The following GRIA1 variants were observed in gnomAD, a reference collection of about 807,000 sequenced individuals.
GRIA1 encodes the protein glutamate receptor 1.
In GRIA1, 31 loss-of-function variants were observed where a neutral mutation model predicts 99.2. The ratio of observed to expected loss-of-function variants is 0.31; its 90% CI spans 0.23 to 0.42. GRIA1 has a LOEUF of 0.42. GRIA1 is among the 10% of genes least tolerant of loss of function. The pLI, the probability that GRIA1 is intolerant of heterozygous loss-of-function variation, is 1.00. For missense variants in GRIA1, 782 were observed against 1,157.5 expected (o/e 0.68, Z 4.71); for synonymous variants, 438 against 432.4 (o/e 1.01, Z -0.16).
At chr5:153,493,374 A>C (rs1044292536) in intron 1 of GRIA1, among the ~76,000 whole-genome samples, 3 of 152,246 alleles carry the variant, frequency 2.0e-5, no homozygotes, top group African/African-American at 7.2e-5. Context: ...AGAATAGTTA[A>C]ATTGCATGCA....
At position 153,646,983 on chromosome 5, in the gene GRIA1, G is replaced by T. The variant is rs1222512806; in HGVS notation, c.276G>T (p.Arg92Ser). ...VYAIFGFYER[R>S]TVNMLTSFCG... ...CCATCTTTGGGTTTTATGAACGTAG[G>T]ACTGTCAACATGCTGACCTCCTTTT... Residue 92 changes from arginine to serine, a missense_variant, in exon 3 of 16, where the codon AGG (arginine) becomes AGT (serine). By Grantham distance (110) the Arg-to-Ser change is moderately radical. Coordinates refer to ENST00000285900, the MANE Select transcript of GRIA1 (RefSeq NM_000827.4). 6.2e-7 allele frequency: 1 copy of T among 1,613,874 alleles called. No homozygotes were observed. The highest frequency in any genetic ancestry group is 1.7e-5 in the Admixed American group (1 of 59,998).
At chr5:153,494,167 A>G in intron 2 of GRIA1, 102 bp downstream of exon 2, 4 of 1,279,334 alleles carry the variant, frequency 3.1e-6, no homozygotes, top group East Asian at 2.3e-5. Context: ...TTCAGTTGCC[A>G]TTCGTCTTTG....
At chr5:153,700,316 T>C (rs571912911) in intron 10 of GRIA1, among the ~76,000 whole-genome samples, 234 of 152,172 alleles carry the variant, frequency 1.5e-3, no homozygotes, top group African/African-American at 5.3e-3. Flanking sequence ...ACCAAGGAGA[T>C]AGAGGTTGCA....
intron 11 of GRIA1, among the ~76,000 whole-genome samples, chr5:153,714,607 T>C (rs2149531651): frequency 6.6e-6 from 1 of 152,356 alleles, no homozygotes; most frequent in Middle Eastern, 3.4e-3. Flanking sequence ...ATATATGGCA[T>C]CTGTGACCAA....
At chr5:153,543,090 G>C (rs1301789132) in intron 2 of GRIA1, among the ~76,000 whole-genome samples, 1 of 152,188 alleles carries the variant, frequency 6.6e-6, no homozygotes, top group African/African-American at 2.4e-5. Flanking sequence ...TGCCTTTATA[G>C]CCACAGTGGC....
At chr5:153,755,560 G>T (rs1171053362) in intron 11 of GRIA1, 1 of 152,188 alleles carries the variant, frequency 6.6e-6, no homozygotes, top group East Asian at 1.9e-4. Flanking sequence ...CCTAAGGAGG[G>T]GTGAACTGGC....
chr5:153,508,693 G>T (rs1271148075), intron 2 of GRIA1, among the ~76,000 whole-genome samples: 1 of 152,198 alleles, frequency 6.6e-6, no homozygotes, highest in Non-Finnish European at 1.5e-5. Context: ...GGAAGGAGAA[G>T]TGATAAATTG....
rs57512541 is a variant in GRIA1, at chr5:153,624,666, G to A, written c.221-22262G>A. 3.3e-3 allele frequency among the ~76,000 whole-genome samples: 499 copies of A among 152,206 alleles called. 4 individuals are homozygous for A. The highest frequency in any genetic ancestry group is 0.011 in the African/African-American group (461 of 41,490). On this transcript the variant is annotated intron_variant, in intron 2 of 15. Coordinates refer to ENST00000285900, the MANE Select transcript of GRIA1 (RefSeq NM_000827.4). ...TACAGGTTATTTGAAACCTCAACAG[G>A]GGGGAAAAAAATTGATAGTATTCTG...
At chr5:153,539,363 G>T (rs1324795941) in intron 2 of GRIA1, among the ~76,000 whole-genome samples, 12 of 152,142 alleles carry the variant, frequency 7.9e-5, no homozygotes, top group Non-Finnish European at 1.8e-4. Flanking sequence ...AAGGGAAATG[G>T]CAAGGTATGG....
chr5:153,626,338 T>A (rs1016202644), intron 2 of GRIA1, among the ~76,000 whole-genome samples: 1 of 151,966 alleles, frequency 6.6e-6, no homozygotes, highest in African/African-American at 2.4e-5. Context: ...GTTTGAGAGG[T>A]TCCCACCTGA....
chr5:153,808,397 TG>T (rs1198746597), intron 15 of GRIA1, among the ~76,000 whole-genome samples: 1 of 145,124 alleles, frequency 6.9e-6, no homozygotes, highest in Non-Finnish European at 1.5e-5. Flanking sequence ...GGGCGGGGAG[TG>T]GGGGGGAGTA....
At chr5:153,693,958 T>C (rs1757929753) in intron 8 of GRIA1, among the ~76,000 whole-genome samples, 1 of 152,196 alleles carries the variant, frequency 6.6e-6, no homozygotes, top group African/African-American at 2.4e-5. Flanking sequence ...GTCTACTAGT[T>C]TACATGAGGC....
At chr5:153,523,522 T>A (rs556458096) in intron 2 of GRIA1, among the ~76,000 whole-genome samples, 3 of 151,076 alleles carry the variant, frequency 2.0e-5, no homozygotes, top group South Asian at 2.1e-4. Flanking sequence ...TTTTTTTTTT[T>A]ATTTATGCTT....
intron 2 of GRIA1, among the ~76,000 whole-genome samples, chr5:153,632,895 A>T (rs575085264): frequency 3.9e-5 from 6 of 152,346 alleles, no homozygotes; most frequent in African/African-American, 1.2e-4. Context: ...GAAGAAATGA[A>T]TTTTTTCTGG....
At chr5:153,721,666 C>T (rs970205559) in intron 11 of GRIA1, among the ~76,000 whole-genome samples, 1 of 152,120 alleles carries the variant, frequency 6.6e-6, no homozygotes, top group Non-Finnish European at 1.5e-5. Context: ...TATATTGTGA[C>T]CTTCATCCAT....
In GRIA1 at chr5:153,490,822, G is replaced by A; in HGVS notation, c.-67G>A. On this transcript the variant is annotated 5_prime_UTR_variant, in exon 1 of 16. Coordinates refer to ENST00000285900, the MANE Select transcript of GRIA1 (RefSeq NM_000827.4). ...GGCAGAACAGCGAGAAGAATAAAGG[G>A]AAAGGGGGGGAAACACCAAATCTAT... 8.8e-7 allele frequency: 1 copy of A among 1,135,258 alleles called. No homozygotes were observed. The highest frequency in any genetic ancestry group is 1.3e-6 in the Non-Finnish European group (1 of 742,538). 70.3% of individuals were successfully genotyped at this position (1,135,258 alleles called of 1,614,324 possible).
intron 2 of GRIA1, among the ~76,000 whole-genome samples, chr5:153,529,803 T>C (rs1178954054): frequency 6.6e-6 from 1 of 152,160 alleles, no homozygotes; most frequent in Non-Finnish European, 1.5e-5. Context: ...TTGCTTTTCT[T>C]GGAGGTGATG....
chr5:153,678,041 T>G (rs923964301), intron 7 of GRIA1, among the ~76,000 whole-genome samples: 3 of 152,182 alleles, frequency 2.0e-5, no homozygotes, highest in Non-Finnish European at 4.4e-5. Context: ...AACAAAGCAT[T>G]GGCCACAATG....
chr5:153,612,912 A>C (rs1421677295), intron 2 of GRIA1, among the ~76,000 whole-genome samples: 1 of 150,912 alleles, frequency 6.6e-6, no homozygotes, highest in Non-Finnish European at 1.5e-5. Flanking sequence ...TCTTAGGCTC[A>C]CTCAGCTGGA....
Sources: allele counts gnomAD v4.1 joint callset (sites outside exome capture counted in the v4.1 genomes callset), GRCh38; gene constraint gnomAD v4.1.1; transcripts MANE v1.5; gene names NCBI Gene and HGNC (gene_info 2026-07-23, HGNC 2026-07-21).